ALOXE3: variants seen among roughly 807,000 people sequenced by gnomAD.
The protein encoded by ALOXE3 is hydroperoxide isomerase ALOXE3.
Under a neutral mutation model 87.5 loss-of-function variants are expected in ALOXE3, and 78 were observed. That is an observed-to-expected ratio of 0.89 (90% CI 0.74 to 1.08). The LOEUF (loss-of-function observed/expected upper bound fraction) is 1.08, where lower values mean the gene tolerates loss of function less well. Among genes scored for constraint, ALOXE3 ranks in the 50% least tolerant of loss-of-function variants. The pLI, the probability that ALOXE3 is intolerant of heterozygous loss-of-function variation, is 0.00. For missense variants in ALOXE3, 946 were observed against 912.4 expected, an observed-to-expected ratio of 1.04 and a Z score of -0.47; for synonymous variants, 363 against 370.8, an observed-to-expected ratio of 0.98 and a Z score of 0.24.
At chr17:8,106,521 C>G (rs1205422334) in intron 13 of ALOXE3, among the ~76,000 whole-genome samples, 1 of 151,966 alleles carries the variant, frequency 6.6e-6, no homozygotes, top group African/African-American at 2.4e-5. Context: ...CTCAAAAAAA[C>G]AAAACATGAG....
At chr17:8,112,894 A>C (rs1980225924) in intron 6 of ALOXE3, among the ~76,000 whole-genome samples, 1 of 152,142 alleles carries the variant, frequency 6.6e-6, no homozygotes, top group African/African-American at 2.4e-5. Flanking sequence ...TCCTGGGCTC[A>C]AGCAATCCTC....
intron 15 of ALOXE3, among the ~76,000 whole-genome samples, chr17:8,099,024 T>TTC (rs1268740739): frequency 2.1e-5 from 3 of 144,844 alleles, no homozygotes; most frequent in Admixed American, 6.8e-5. Context: ...CTAGTTTTCT[T>TTC]TTTTTTTTTT....
chr17:8,113,125 A>G (rs1980247240), intron 6 of ALOXE3, among the ~76,000 whole-genome samples: 1 of 152,246 alleles, frequency 6.6e-6, no homozygotes, highest in Non-Finnish European at 1.5e-5. Context: ...GGCACAGCTC[A>G]GAAGCAAAGT....
chr17:8,109,444 T>G, intron 11 of ALOXE3, 101 bp from the exon 12 acceptor site: 25 of 1,494,642 alleles, frequency 1.7e-5, no homozygotes, highest in Non-Finnish European at 2.2e-5. Context: ...AGGGCCTTCT[T>G]CGGTTCACCA....
intron 15 of ALOXE3, among the ~76,000 whole-genome samples, chr17:8,100,186 G>C (rs1423809427): frequency 2.0e-5 from 3 of 152,174 alleles, no homozygotes; most frequent in African/African-American, 7.2e-5. Flanking sequence ...GTAAGTGACA[G>C]TCTGCCACTT....
chr17:8,101,032 T>G (rs202135855), intron 15 of ALOXE3, among the ~76,000 whole-genome samples: 13 of 9,132 alleles, frequency 1.4e-3, no homozygotes, highest in African/African-American at 2.4e-3. Context: ...TTTTTTTTTG[T>G]TTTTTTTTTT....
chr17:8,097,990 G>A (rs1054903971), intron 15 of ALOXE3, among the ~76,000 whole-genome samples: 1 of 151,722 alleles, frequency 6.6e-6, no homozygotes, highest in Non-Finnish European at 1.5e-5. Flanking sequence ...CTCGTGATCT[G>A]CCCGCCTCGG....
At position 8,110,403 on chromosome 17, in the gene ALOXE3, C is replaced by G. The variant is rs777234752; in HGVS notation, c.1083G>C (p.Leu361=). 9.3e-6 allele frequency: 15 copies of G among 1,608,670 alleles called. No individual in the cohort carries two copies. Among genetic ancestry groups the G allele is most frequent in the Middle Eastern group, 1.7e-4 (1 of 5,940 alleles). The change falls in exon 9 of 16, where the codon CTG becomes CTC. Residue 361 remains leucine (L), a synonymous_variant. Coordinates refer to ENST00000448843, the MANE Select transcript of ALOXE3 (RefSeq NM_021628.3). ...GGCTCACCTGGATGGCCAAGGGCAC[C>G]AGCGCCCCCTGGGGGCTGAGCCACA... is the stretch of plus-strand genomic sequence containing the variant. ...CLLWLSPQGA[L]VPLAIQLSQT... is the part of the protein sequence containing the mutation.
chr17:8,107,842 A>AGGTTGGTGGCTGGAGGGGCCACGTGGC (rs1979480706), intron 13 of ALOXE3, among the ~76,000 whole-genome samples: 1 of 4,064 alleles, frequency 2.5e-4, no homozygotes, highest in Non-Finnish European at 5.0e-4. Context: ...AGAAAGAAAG[A>AGGTTGGTGGCTGGAGGGGCCACGTGGC]AAGAAAGAAA....
upstream of ALOXE3, chr17:8,118,660 T>A (rs1389544984): frequency 1.3e-6 from 2 of 1,537,282 alleles, no homozygotes; most frequent in East Asian, 4.9e-5. Context: ...CCCCCACGCA[T>A]GGCCCTCTTT....
At chr17:8,111,969 T>C in intron 7 of ALOXE3, 124 bp downstream of exon 7, 1 of 891,762 alleles carries the variant, frequency 1.1e-6, no homozygotes. Context: ...CAGGAGCCCC[T>C]CCCACTCAAA....
intron 13 of ALOXE3, among the ~76,000 whole-genome samples, chr17:8,105,148 T>TCATGGCCCTACTTGATTGGG (rs1457592310): frequency 6.6e-6 from 1 of 152,202 alleles, no homozygotes; most frequent in African/African-American, 2.4e-5. Context: ...ACTCACCTTG[T>TCATGGCCCTACTTGATTGGG]CATGGCCCTA....
intron 6 of ALOXE3, among the ~76,000 whole-genome samples, chr17:8,113,764 T>C (rs1361526536): frequency 3.4e-5 from 5 of 149,070 alleles, no homozygotes; most frequent in South Asian, 2.1e-4. Context: ...TGGTGGCTCA[T>C]GCCTGTAATC....
chr17:8,108,404 G>T (rs1158901913), intron 13 of ALOXE3, 64 bp downstream of exon 13: 27 of 1,595,914 alleles, frequency 1.7e-5, no homozygotes, highest in Non-Finnish European at 2.3e-5. Flanking sequence ...GATGGGAGTA[G>T]GGTGTGGCCA....
At position 8,107,958 on chromosome 17, in the gene ALOXE3, AAAGGAAG is replaced by A. The variant is rs1426695463; in HGVS notation, c.1684+503_1684+509del. Among the ~76,000 whole-genome samples, 9 of 3,158 alleles carry A rather than the reference AAAGGAAG, an allele frequency of 2.8e-3. 1 individual carries two copies. Among genetic ancestry groups the A allele is most frequent in the East Asian group, 6.2e-3 (4 of 646 alleles). 2.1% of individuals were successfully genotyped at this position (3,158 alleles called of 152,430 possible). On this transcript the variant is annotated intron_variant, in intron 13 of 15. Transcript: ENST00000448843. ...GAAAGAAAGAAAGAAAGAAAGAAAG[AAAGGAAG>A]GAGAGAGAGAGAGAGAGAAAGAAAG...
In ALOXE3 at chr17:8,109,958, G is replaced by A. The variant is rs1462580324; in HGVS notation, c.1350C>T (p.Ile450=). The A allele has an allele frequency of 1.9e-6, 3 of 1,551,426 alleles. No homozygotes were observed. The highest frequency in any genetic ancestry group is 2.6e-6 in the Non-Finnish European group (3 of 1,146,966). The stretch of plus-strand genomic sequence containing the variant: ...CGGGGTTGAGCAGCGTGGCCCTCGC[G>A]ATGGTGTTCACCTGCAGCGTGTATC... ...HTRYTLQVNT[I]ARATLLNPEG... The change falls in exon 11 of 16, where the codon ATC becomes ATT. Residue 450 remains isoleucine (I), a synonymous_variant. Transcript: ENST00000448843.
chr17:8,103,963 C>T (rs943053096), intron 14 of ALOXE3, 152 bp downstream of exon 14: 2 of 694,840 alleles, frequency 2.9e-6, no homozygotes, highest in Non-Finnish European at 5.1e-6. Context: ...TCACCCAATG[C>T]CAACCCTTCA....
chr17:8,103,750 C>T lies in ALOXE3; in HGVS notation c.1786-257G>A, dbSNP rs547103092. ...ACTCCCCGCCCAGTGTTCCAGGACT[C>T]GGTGGGGTGAGTCACTAGGGAAGGA... On this transcript the variant is annotated intron_variant, in intron 14 of 15. Transcript: ENST00000448843. 5.3e-5 allele frequency among the ~76,000 whole-genome samples: 8 copies of T among 151,980 alleles called. No homozygotes were observed. The East Asian group carries it at 1.2e-3, about 22-fold the overall frequency.
At chr17:8,114,087 G>A (rs865948315) in intron 6 of ALOXE3, among the ~76,000 whole-genome samples, 7 of 152,064 alleles carry the variant, frequency 4.6e-5, no homozygotes, top group Middle Eastern at 3.4e-3. Flanking sequence ...AGGGAGGGTG[G>A]CAAGGGGGGA....
Sources: gnomAD v4.1 joint callset for allele counts (sites outside exome capture counted in the v4.1 genomes callset) on GRCh38, gnomAD v4.1.1 for gene constraint, MANE v1.5 for transcripts, NCBI Gene and HGNC (gene_info 2026-07-23, HGNC 2026-07-21) for gene names.